The following ACSF2 variants were observed in gnomAD, a reference collection of about 807,000 sequenced individuals.
The protein encoded by ACSF2 is acyl-CoA synthetase family member 2, also known as medium-chain acyl-CoA ligase ACSF2, mitochondrial.
A neutral mutation model predicts 79.3 loss-of-function variants in ACSF2; 52 were observed. That is an observed-to-expected ratio of 0.66 (90% CI 0.53 to 0.83). The LOEUF (loss-of-function observed/expected upper bound fraction) is 0.83, where lower values mean the gene tolerates loss of function less well. Ranked by LOEUF, ACSF2 falls within the 40% of genes least tolerant of loss-of-function variation. The probability of loss-of-function intolerance (pLI) is 0.00; values close to 1 mark genes in which losing one functional copy is unlikely to be tolerated. For missense variants in ACSF2, 661 were observed against 803.3 expected (o/e 0.82, Z 2.14); for synonymous variants, 283 against 312.6 (o/e 0.91, Z 1.00).
chr17:50,447,906 T>C lies in ACSF2; in HGVS notation c.129-12771T>C, dbSNP rs147013558. 2.6e-3 allele frequency among the ~76,000 whole-genome samples: 393 copies of C among 152,300 alleles called. 1 individual carries two copies. Among genetic ancestry groups the C allele is most frequent in the African/African-American group, 8.7e-3 (362 of 41,544 alleles). ...AGTTGGTGAAGCTTTGGAAATTAGC[T>C]CAAAGGCTGATAGGGTGTGGCCTTA... On this transcript the variant is annotated intron_variant, in intron 1 of 15. Coordinates refer to ENST00000300441, the MANE Select transcript of ACSF2 (RefSeq NM_025149.6).
At chr17:50,433,664 GA>G (rs1157091459) in intron 1 of ACSF2, among the ~76,000 whole-genome samples, 1 of 152,120 alleles carries the variant, frequency 6.6e-6, no homozygotes, top group Admixed American at 6.5e-5. Flanking sequence ...TGTCACCTGG[GA>G]TGGAGTGCAG....
chr17:50,432,771 A>C (rs2030042989), intron 1 of ACSF2, among the ~76,000 whole-genome samples: 1 of 152,202 alleles, frequency 6.6e-6, no homozygotes, highest in African/African-American at 2.4e-5. Context: ...TACCAGTCCT[A>C]ACTTAGTGTG....
At position 50,474,226 on chromosome 17, in the gene ACSF2, A is replaced by G. The variant is rs766168962; in HGVS notation, c.1756A>G (p.Ile586Val). 58 of 1,614,184 alleles carry G rather than the reference A, an allele frequency of 3.6e-5. No homozygotes were observed. In the East Asian group the frequency reaches 1.1e-3, roughly 30 times the overall value. The change falls in exon 15 of 16, where the codon ATC (isoleucine) becomes GTC (valine). Residue 586 changes from isoleucine (I) to valine (V), a missense_variant. Transcript: ENST00000300441. The surrounding 1 kb of genome is among the most constrained non-coding windows in gnomAD (Gnocchi z 4.2). ...KISHFKIPKY[I>V]VFVTNYPLTI... ...CTCTCACTTCAAGATTCCGAAGTAC[A>G]TCGTGTTTGTCACAAACTACCCCCT...
At chr17:50,433,429 C>G (rs1281930699) in intron 1 of ACSF2, among the ~76,000 whole-genome samples, 1 of 152,122 alleles carries the variant, frequency 6.6e-6, no homozygotes, top group Non-Finnish European at 1.5e-5. Context: ...GCTGGGATTA[C>G]AAGCACAAAC....
At position 50,473,899 on chromosome 17, in the gene ACSF2, G is replaced by A. The variant is rs763986083; in HGVS notation, c.1623G>A (p.Val541=). The A allele has an allele frequency of 1.9e-6, 3 of 1,597,152 alleles. No homozygotes were observed. The highest frequency in any genetic ancestry group is 1.1e-5 in the South Asian group (1 of 88,874). The change falls in exon 14 of 16, where the codon GTG becomes GTA. Residue 541 remains valine (V), a synonymous_variant. Transcript: ENST00000300441. The part of the protein sequence containing the change: ...THPKVQEVQV[V]GVKDDRMGEE... ...TTTTTCTTTGGCCCTGGAAGGTGGT[G>A]GGAGTGAAGGACGATCGGATGGGGG...
Position 50,474,720 on chromosome 17 carries a change from G to A in ACSF2, c.*168G>A, listed in dbSNP as rs2033267779. Reference sequence around the variant, plus strand: ...AGCTCCTGGATGGGTCCGGGAACTCGCCTGGGCACAAGGTGCCAAAAGGCA... The same window carrying A: ...AGCTCCTGGATGGGTCCGGGAACTCACCTGGGCACAAGGTGCCAAAAGGCA... On this transcript the variant is annotated 3_prime_UTR_variant, in exon 16 of 16. Transcript: ENST00000300441. The surrounding 1 kb of genome is among the most constrained non-coding windows in gnomAD (Gnocchi z 4.2). 9.8e-6 allele frequency: 7 copies of A among 712,764 alleles called. No homozygotes were observed. The highest frequency in any genetic ancestry group is 3.8e-5 in the South Asian group (2 of 52,010). 44.2% of individuals were successfully genotyped at this position (712,764 alleles called of 1,614,324 possible).
At chr17:50,458,807 G>A (rs2143686919) in intron 1 of ACSF2, among the ~76,000 whole-genome samples, 1 of 152,368 alleles carries the variant, frequency 6.6e-6, no homozygotes, top group South Asian at 2.1e-4. Flanking sequence ...GTCTAAGAGA[G>A]GCTGCCTTAA....
intron 4 of ACSF2, 25 bp downstream of exon 4, chr17:50,461,711 G>A (rs372501801): frequency 6.2e-7 from 1 of 1,613,792 alleles, no homozygotes; most frequent in African/African-American, 1.3e-5. Flanking sequence ...TCGGGGAGGG[G>A]CCCGGCTGGG....
chr17:50,446,411 C>G (rs894220347), intron 1 of ACSF2, among the ~76,000 whole-genome samples: 1 of 152,102 alleles, frequency 6.6e-6, no homozygotes, highest in Non-Finnish European at 1.5e-5. Context: ...GCACATGCCA[C>G]CATGCCTGGT....
In ACSF2 at chr17:50,463,115, G is replaced by C. The variant is rs549769552; in HGVS notation, c.793-41G>C. Reference sequence around the variant, plus strand: ...AGGCAGTGGCCCAGGGTGGGAAGGAGATGAGAAGGAGGCCAAGCCATGCCC... The same window carrying C: ...AGGCAGTGGCCCAGGGTGGGAAGGACATGAGAAGGAGGCCAAGCCATGCCC... On this transcript the variant is annotated intron_variant, in intron 6 of 15. Coordinates refer to ENST00000300441, the MANE Select transcript of ACSF2 (RefSeq NM_025149.6). The surrounding 1 kb of genome is among the most constrained non-coding windows in gnomAD (Gnocchi z 4.6). 6.4e-7 allele frequency: 1 copy of C among 1,556,744 alleles called. No homozygotes were observed. Among genetic ancestry groups the C allele is most frequent in the Non-Finnish European group, 8.8e-7 (1 of 1,130,292 alleles).
chr17:50,436,525 C>T (rs763529663), intron 1 of ACSF2, among the ~76,000 whole-genome samples: 4 of 151,980 alleles, frequency 2.6e-5, no homozygotes, highest in East Asian at 1.9e-4. Flanking sequence ...CTCTGCCTTC[C>T]GATTTCAAGT....
intron 11 of ACSF2, 52 bp from the exon 12 acceptor site, chr17:50,472,376 T>C: frequency 1.3e-6 from 2 of 1,585,200 alleles, no homozygotes; most frequent in Non-Finnish European, 1.7e-6. Flanking sequence ...AAGGACCACC[T>C]ATCCTGAAGC....
Position 50,473,697 on chromosome 17 carries a change from G to C in ACSF2, c.1508G>C (p.Cys503Ser). 2 of 1,614,216 alleles carry C rather than the reference G, an allele frequency of 1.2e-6. No individual in the cohort carries two copies. The highest frequency in any genetic ancestry group is 1.7e-6 in the Non-Finnish European group (2 of 1,180,048). Residue 503 changes from cysteine (C) to serine (S), a missense_variant, in exon 13 of 16, where the codon TGC (cysteine) becomes TCC (serine). Coordinates refer to ENST00000300441, the MANE Select transcript of ACSF2 (RefSeq NM_025149.6). ...GCCACAATGAATGAGCAGGGCTTCT[G>C]CAAGATCGTGGGCCGCTCTAAGGAT... ...DVATMNEQGF[C>S]KIVGRSKDMI...
At chr17:50,432,450 C>A (rs1056003731) in intron 1 of ACSF2, among the ~76,000 whole-genome samples, 3 of 152,178 alleles carry the variant, frequency 2.0e-5, no homozygotes, top group Non-Finnish European at 4.4e-5. Flanking sequence ...AAGGTTCCAG[C>A]AGGGTAAACT....
At chr17:50,448,355 G>A (rs1034719744) in intron 1 of ACSF2, among the ~76,000 whole-genome samples, 1 of 152,208 alleles carries the variant, frequency 6.6e-6, no homozygotes, top group Non-Finnish European at 1.5e-5. Flanking sequence ...ATGTCATTTT[G>A]CAGTGCATGA....
intron 10 of ACSF2, chr17:50,464,767 CT>C: frequency 1.5e-4 from 21 of 135,980 alleles, no homozygotes; most frequent in South Asian, 1.5e-4. Context: ...TTCTGATTGA[CT>C]TGGGGGGGGG....
At chr17:50,470,174 G>A (rs2033042917) in intron 10 of ACSF2, 1 of 152,226 alleles carries the variant, frequency 6.6e-6, no homozygotes, top group Non-Finnish European at 1.5e-5. Context: ...GATTAAAGGG[G>A]ACCTAGGATA....
At chr17:50,461,172 T>C in intron 2 of ACSF2, 70 bp from the exon 3 acceptor site, 1 of 1,606,358 alleles carries the variant, frequency 6.2e-7, no homozygotes, top group Non-Finnish European at 8.5e-7. Flanking sequence ...GGCTAAGGGC[T>C]GAGGGTGGGA....
intron 1 of ACSF2, among the ~76,000 whole-genome samples, chr17:50,443,961 A>T (rs1278261527): frequency 6.6e-6 from 1 of 152,202 alleles, no homozygotes; most frequent in Non-Finnish European, 1.5e-5. Context: ...TTGGGTTACA[A>T]GGATTAACTC....
Sources: gnomAD v4.1 joint callset for allele counts (sites outside exome capture counted in the v4.1 genomes callset) on GRCh38, gnomAD v4.1.1 for gene constraint, Gnocchi (gnomAD v3.1) non-coding constraint, MANE v1.5 for transcripts, NCBI Gene and HGNC (gene_info 2026-07-23, HGNC 2026-07-21) for gene names.